The following CADPS2 variants were observed in gnomAD, a reference collection of about 807,000 sequenced individuals.
The protein encoded by CADPS2 is calcium-dependent secretion activator 2.
Under a neutral mutation model 172.5 loss-of-function variants are expected in CADPS2, and 93 were observed. That is an observed-to-expected ratio of 0.54 (90% CI 0.46 to 0.64). The LOEUF (loss-of-function observed/expected upper bound fraction) is 0.64, where lower values mean the gene tolerates loss of function less well. Among genes scored for constraint, CADPS2 ranks in the 30% least tolerant of loss-of-function variants. The pLI, the probability that CADPS2 is intolerant of heterozygous loss-of-function variation, is 0.00. For synonymous variants in CADPS2, 546 were observed against 555.2 expected (o/e 0.98, Z 0.23); for missense variants, 1,420 against 1,565.9 (o/e 0.91, Z 1.57).
At chr7:122,604,774 T>G (rs575960995) in intron 6 of CADPS2, among the ~76,000 whole-genome samples, 1 of 152,162 alleles carries the variant, frequency 6.6e-6, no homozygotes, top group Admixed American at 6.6e-5. Context: ...ATTTGAAACA[T>G]TGACATTTAA....
intron 1 of CADPS2, among the ~76,000 whole-genome samples, chr7:122,858,136 G>A (rs188397385): frequency 5.3e-5 from 8 of 152,148 alleles, no homozygotes; most frequent in Admixed American, 3.3e-4. Flanking sequence ...ACAGAGTGCC[G>A]ATTGGTCCAT....
At chr7:122,475,584 A>T (rs1476406884) in intron 12 of CADPS2, among the ~76,000 whole-genome samples, 1 of 152,192 alleles carries the variant, frequency 6.6e-6, no homozygotes, top group African/African-American at 2.4e-5. Context: ...AATAAAACTC[A>T]ATATTGATCT....
At chr7:122,872,677 T>G in intron 1 of CADPS2, among the ~76,000 whole-genome samples, 1 of 152,080 alleles carries the variant, frequency 6.6e-6, no homozygotes, top group East Asian at 1.9e-4. Flanking sequence ...AGAACCAAAT[T>G]AAGGCTCTCA....
intron 1 of CADPS2, among the ~76,000 whole-genome samples, chr7:122,826,233 A>G (rs577598878): frequency 8.5e-5 from 13 of 152,326 alleles, no homozygotes; most frequent in Middle Eastern, 3.4e-3. Flanking sequence ...CCCCATGCCA[A>G]CTAGGGCTGA....
At chr7:122,664,738 T>C (rs1481515180) in intron 2 of CADPS2, among the ~76,000 whole-genome samples, 1 of 152,182 alleles carries the variant, frequency 6.6e-6, no homozygotes, top group Non-Finnish European at 1.5e-5. Flanking sequence ...AGAACCTCCA[T>C]AAATTATATG....
intron 3 of CADPS2, among the ~76,000 whole-genome samples, chr7:122,649,996 G>A (rs1185210305): frequency 1.5e-5 from 2 of 129,924 alleles, no homozygotes; most frequent in Non-Finnish European, 3.1e-5. Context: ...TGCAACCTCT[G>A]CCTCTTGGGT....
chr7:122,664,064 CAA>C (rs541690772), intron 2 of CADPS2, among the ~76,000 whole-genome samples: 19,078 of 84,626 alleles, frequency 0.23, 1,468 homozygotes, highest in Middle Eastern at 0.33. Flanking sequence ...TGTTTATAAG[CAA>C]AAAAAAAAAA....
intron 2 of CADPS2, chr7:122,702,577 C>G: frequency 1.2e-6 from 2 of 1,613,626 alleles, no homozygotes; most frequent in East Asian, 2.2e-5. Context: ...ACACTCCACT[C>G]TCTCCTAATT....
chr7:122,348,581 C>T (rs1040043472), intron 27 of CADPS2, among the ~76,000 whole-genome samples: 1 of 152,092 alleles, frequency 6.6e-6, no homozygotes, highest in African/African-American at 2.4e-5. Context: ...GCCTAAAAAA[C>T]AAACCCAGAA....
At chr7:122,361,522 G>A (rs530103958) in intron 25 of CADPS2, among the ~76,000 whole-genome samples, 5 of 151,922 alleles carry the variant, frequency 3.3e-5, no homozygotes, top group South Asian at 2.1e-4. Context: ...GTGAGCCACC[G>A]TGTCTGGCCA....
intron 14 of CADPS2, among the ~76,000 whole-genome samples, chr7:122,466,660 C>A (rs2055178616): frequency 6.6e-6 from 1 of 152,182 alleles, no homozygotes; most frequent in African/African-American, 2.4e-5. Context: ...AAAAAAATTA[C>A]TACATGCTAT....
intron 20 of CADPS2, 52 bp from the exon 21 acceptor site, chr7:122,393,634 T>C: frequency 6.2e-7 from 1 of 1,602,898 alleles, no homozygotes; most frequent in Non-Finnish European, 8.5e-7. Flanking sequence ...TATCAGACAT[T>C]TGGAAAATAT....
intron 2 of CADPS2, among the ~76,000 whole-genome samples, chr7:122,686,812 G>C (rs2083691383): frequency 6.6e-6 from 1 of 152,144 alleles, no homozygotes; most frequent in Non-Finnish European, 1.5e-5. Flanking sequence ...AGGCTCCCGA[G>C]TAGCTGGTAT....
At chr7:122,717,977 ATTTTTTTTTTTTTTTT>A (rs36154725) in intron 2 of CADPS2, among the ~76,000 whole-genome samples, 65 of 87,228 alleles carry the variant, frequency 7.5e-4, no homozygotes, top group East Asian at 2.4e-3. Flanking sequence ...CACTCGGCTA[ATTTTTTTTTTTTTTTT>A]TTTTTTTTTT....
intron 17 of CADPS2, among the ~76,000 whole-genome samples, chr7:122,436,175 G>C (rs1187904136): frequency 6.6e-6 from 1 of 152,022 alleles, no homozygotes; most frequent in Admixed American, 6.6e-5. Context: ...ACTTTCGTAG[G>C]TGATGAACAG....
At chr7:122,844,679 G>A (rs1811482912) in intron 1 of CADPS2, among the ~76,000 whole-genome samples, 1 of 152,134 alleles carries the variant, frequency 6.6e-6, no homozygotes, top group Admixed American at 6.5e-5. Flanking sequence ...CATAGTTTAT[G>A]CTCAGGGGCT....
At chr7:122,649,796 A>G (rs1269396319) in intron 3 of CADPS2, among the ~76,000 whole-genome samples, 1 of 151,144 alleles carries the variant, frequency 6.6e-6, no homozygotes, top group Admixed American at 6.6e-5. Context: ...ACATCTGTCT[A>G]CTGACCACAT....
At chr7:122,655,626 G>A (rs1021220690) in intron 3 of CADPS2, among the ~76,000 whole-genome samples, 2 of 151,978 alleles carry the variant, frequency 1.3e-5, no homozygotes, top group African/African-American at 2.4e-5. Context: ...TGTGTGACCT[G>A]CTTTATTGCA....
chr7:122,604,991 T>C (rs2073306786), intron 6 of CADPS2, among the ~76,000 whole-genome samples: 1 of 152,156 alleles, frequency 6.6e-6, no homozygotes, highest in South Asian at 2.1e-4. Context: ...GTATTTGGTA[T>C]AGCCAATTGC....
Sources: allele counts gnomAD v4.1 joint callset (sites outside exome capture counted in the v4.1 genomes callset), GRCh38; gene constraint gnomAD v4.1.1; transcripts MANE v1.5; gene names NCBI Gene and HGNC (gene_info 2026-07-23, HGNC 2026-07-21).